RAB2A: variants seen among roughly 807,000 people sequenced by gnomAD.
The protein encoded by RAB2A is RAB2A, member RAS oncogene family.
RAB2A carries 7 observed loss-of-function variants against 32.5 expected under a neutral mutation model. That is an observed-to-expected ratio of 0.22 (90% confidence interval 0.12 to 0.40). The LOEUF is 0.40. RAB2A is among the 10% of genes least tolerant of loss of function. RAB2A has a pLI of 1.00. For missense variants in RAB2A, 108 were observed against 260.7 expected (o/e 0.41, Z 4.03); for synonymous variants, 79 against 85.2 (o/e 0.93, Z 0.40).
At chr8:60,596,665 G>C (rs537103604) in intron 6 of RAB2A, among the ~76,000 whole-genome samples, 1 of 152,304 alleles carries the variant, frequency 6.6e-6, no homozygotes, top group Non-Finnish European at 1.5e-5. Context: ...GCTCATGCCT[G>C]TAATCCCAGC....
intron 3 of RAB2A, among the ~76,000 whole-genome samples, chr8:60,573,663 A>T (rs1319498410): frequency 6.6e-6 from 1 of 152,252 alleles, no homozygotes; most frequent in South Asian, 2.1e-4. Context: ...CTCAGGCAGC[A>T]TCTCAAAACT....
chr8:60,585,866 A>C lies in RAB2A; in HGVS notation c.362+1051A>C, dbSNP rs569095155. ...AACTGAACAGTATTCACAGGGTATTAATTGTATTCCACAGGACACAGTCTG... is the reference window on the plus strand; with the variant it reads ...AACTGAACAGTATTCACAGGGTATTCATTGTATTCCACAGGACACAGTCTG... On this transcript the variant is annotated intron_variant, in intron 5 of 7. Coordinates refer to ENST00000262646, the MANE Select transcript of RAB2A (RefSeq NM_002865.3). Among the ~76,000 whole-genome samples, 42 of 152,346 alleles carry C rather than the reference A, an allele frequency of 2.8e-4. 2 individuals are homozygous for C. In the South Asian group the frequency reaches 2.9e-3, roughly 11 times the overall value.
Position 60,517,071 on chromosome 8 carries a change from C to G in RAB2A, c.-137C>G. 1.1e-6 allele frequency: 1 copy of G among 875,828 alleles called. No individual in the cohort carries two copies. The highest frequency in any genetic ancestry group is 1.6e-6 in the Non-Finnish European group (1 of 611,698). 54.3% of individuals were successfully genotyped at this position (875,828 alleles called of 1,614,324 possible). ...CCGGCTTCCTCACAGCCCCTCACTCCCGGCGGCTGACAGCAGCAGCGGCGG... is the reference window on the plus strand; with the variant it reads ...CCGGCTTCCTCACAGCCCCTCACTCGCGGCGGCTGACAGCAGCAGCGGCGG... On this transcript the variant is annotated 5_prime_UTR_variant, in exon 1 of 8. Transcript: ENST00000262646.
At chr8:60,592,030 T>C in intron 6 of RAB2A, 61 bp downstream of exon 6, 1 of 968,006 alleles carries the variant, frequency 1.0e-6, no homozygotes. Context: ...TTTATATATC[T>C]TCATTTTACT....
chr8:60,555,456 T>C (rs955545880), intron 1 of RAB2A, among the ~76,000 whole-genome samples: 3 of 152,068 alleles, frequency 2.0e-5, no homozygotes, highest in African/African-American at 7.2e-5. Context: ...TAGAATGGGA[T>C]AAAATATTTG....
At chr8:60,577,818 A>ATTGTTTTTT (rs1803668832) in intron 3 of RAB2A, among the ~76,000 whole-genome samples, 1 of 65,816 alleles carries the variant, frequency 1.5e-5, no homozygotes, top group Admixed American at 1.7e-4. Context: ...TTTTTTTTGG[A>ATTGTTTTTT]TTTTTAGTGG....
intron 1 of RAB2A, among the ~76,000 whole-genome samples, chr8:60,547,685 G>A (rs1386477786): frequency 2.2e-4 from 26 of 117,414 alleles, no homozygotes; most frequent in Admixed American, 3.4e-4. Context: ...CGGACGGGGC[G>A]GCTGGCCGGG....
intron 2 of RAB2A, among the ~76,000 whole-genome samples, chr8:60,560,056 G>C (rs1236495631): frequency 1.3e-5 from 2 of 152,156 alleles, no homozygotes; most frequent in African/African-American, 4.8e-5. Context: ...GGTAAAACAG[G>C]TAACTCATGC....
chr8:60,521,417 G>A (rs1295248502), intron 1 of RAB2A, among the ~76,000 whole-genome samples: 1 of 152,122 alleles, frequency 6.6e-6, no homozygotes, highest in African/African-American at 2.4e-5. Context: ...TTCATTTTCT[G>A]AGCTTTTGAA....
chr8:60,554,097 A>G (rs1347157966), intron 1 of RAB2A, among the ~76,000 whole-genome samples: 4 of 152,218 alleles, frequency 2.6e-5, no homozygotes, highest in Non-Finnish European at 5.9e-5. Context: ...ACTGTTTTGA[A>G]GAGCTTGAAT....
At chr8:60,559,039 G>C in intron 2 of RAB2A, 116 bp downstream of exon 2, 2 of 719,596 alleles carry the variant, frequency 2.8e-6, no homozygotes, top group Admixed American at 2.7e-5. Context: ...TGGATTTGTT[G>C]TTACGCTGTT....
chr8:60,592,546 A>G (rs956151782), intron 6 of RAB2A, among the ~76,000 whole-genome samples: 3 of 152,082 alleles, frequency 2.0e-5, no homozygotes, highest in African/African-American at 7.2e-5. Flanking sequence ...CTGTCAATAT[A>G]TTACCACATC....
intron 1 of RAB2A, among the ~76,000 whole-genome samples, chr8:60,524,624 C>T (rs1423045808): frequency 6.6e-6 from 1 of 152,232 alleles, no homozygotes; most frequent in Non-Finnish European, 1.5e-5. Context: ...GTAATGCACA[C>T]ATAGTAGCCC....
At chr8:60,588,336 T>A (rs879384208) in intron 5 of RAB2A, among the ~76,000 whole-genome samples, 1 of 152,218 alleles carries the variant, frequency 6.6e-6, no homozygotes, top group Admixed American at 6.5e-5. Flanking sequence ...TACTCCCAGA[T>A]GTTTACCCAA....
chr8:60,558,947 A>G, intron 2 of RAB2A, 24 bp downstream of exon 2: 1 of 1,553,450 alleles, frequency 6.4e-7, no homozygotes, highest in Non-Finnish European at 8.9e-7. Flanking sequence ...AAGGGATGAG[A>G]AGCACTAAAA....
intron 6 of RAB2A, among the ~76,000 whole-genome samples, chr8:60,613,241 G>A (rs1339754192): frequency 6.6e-5 from 10 of 152,094 alleles, no homozygotes; most frequent in Admixed American, 5.9e-4. Context: ...TGTCTGCAGG[G>A]CACATACACA....
rs140172645 is a variant in RAB2A at position 60,527,577 on chromosome 8, G to C, written c.46+10324G>C. 1.0e-3 allele frequency among the ~76,000 whole-genome samples: 156 copies of C among 152,270 alleles called. 1 individual carries two copies. Among genetic ancestry groups the C allele is most frequent in the African/African-American group, 3.6e-3 (150 of 41,554 alleles). On this transcript the variant is annotated intron_variant, in intron 1 of 7. Coordinates refer to ENST00000262646, the MANE Select transcript of RAB2A (RefSeq NM_002865.3). ...ATGTGGGGATTACAATTCCAGATGA[G>C]ATTTTCATGGGGACACAGAGCCAAA...
At chr8:60,580,455 T>C (rs1330381012) in intron 3 of RAB2A, among the ~76,000 whole-genome samples, 8 of 152,138 alleles carry the variant, frequency 5.3e-5, no homozygotes, top group Non-Finnish European at 7.4e-5. Flanking sequence ...ATTTCAAGGC[T>C]ACCAATACCA....
At chr8:60,598,937 CAAAAAAAAA>C (rs56406651) in intron 6 of RAB2A, among the ~76,000 whole-genome samples, 4,370 of 40,510 alleles carry the variant, frequency 0.11, 84 homozygotes, top group African/African-American at 0.26. Flanking sequence ...TGCAGTAAAG[CAAAAAAAAA>C]AAAAAAAAAA....
Sources: gnomAD v4.1 joint callset for allele counts (sites outside exome capture counted in the v4.1 genomes callset) on GRCh38, gnomAD v4.1.1 for gene constraint, MANE v1.5 for transcripts, NCBI Gene and HGNC (gene_info 2026-07-23, HGNC 2026-07-21) for gene names.